Variants in CPVL observed in about 807,000 individuals in gnomAD.
CPVL encodes the protein carboxypeptidase vitellogenic like.
A neutral mutation model predicts 63.7 loss-of-function variants in CPVL; 51 were observed. The ratio of observed to expected loss-of-function variants is 0.80; its 90% confidence interval spans 0.64 to 1.01. CPVL has a LOEUF of 1.01. CPVL is among the 50% of genes least tolerant of loss of function. CPVL has a pLI of 0.00. For synonymous variants in CPVL, 195 were observed against 206.0 expected, an observed-to-expected ratio of 0.95 and a Z score of 0.46; for missense variants, 530 against 573.1, an observed-to-expected ratio of 0.92 and a Z score of 0.77.
chr7:29,189,241 C>T (rs908587727), intron 1 of CPVL, among the ~76,000 whole-genome samples: 1 of 152,144 alleles, frequency 6.6e-6, no homozygotes, highest in South Asian at 2.1e-4. Context: ...TGTGAGCCAC[C>T]GCGCCCAGCC....
chr7:29,099,795 C>T (rs1786893106), intron 3 of CPVL, among the ~76,000 whole-genome samples: 1 of 152,134 alleles, frequency 6.6e-6, no homozygotes, highest in Non-Finnish European at 1.5e-5. Context: ...GCAGAGTGAG[C>T]CGTGGAATTG....
intron 1 of CPVL, among the ~76,000 whole-genome samples, chr7:29,139,776 C>T (rs373984830): frequency 1.1e-4 from 17 of 152,242 alleles, no homozygotes; most frequent in African/African-American, 3.9e-4. Context: ...ACGGCACAGG[C>T]GGTTCATTCT....
chr7:29,004,901 C>CTTTTTT (rs1236433234), intron 12 of CPVL, among the ~76,000 whole-genome samples: 4 of 140,184 alleles, frequency 2.9e-5, no homozygotes, highest in Non-Finnish European at 3.1e-5. Context: ...CTTTTCTTTT[C>CTTTTTT]TTTTTTTTTT....
chr7:29,064,596 G>A (rs1037684943), intron 10 of CPVL, among the ~76,000 whole-genome samples: 1 of 152,126 alleles, frequency 6.6e-6, no homozygotes, highest in African/African-American at 2.4e-5. Context: ...ACTCCTTGTT[G>A]GTGGCTCTTT....
At chr7:29,131,951 A>G (rs970264114) in intron 1 of CPVL, among the ~76,000 whole-genome samples, 12 of 152,206 alleles carry the variant, frequency 7.9e-5, no homozygotes, top group African/African-American at 2.9e-4. Flanking sequence ...CCACTCATTC[A>G]CTGAATAAAT....
chr7:29,091,256 G>C (rs753815891), intron 6 of CPVL, among the ~76,000 whole-genome samples: 2 of 152,200 alleles, frequency 1.3e-5, no homozygotes, highest in African/African-American at 2.4e-5. Flanking sequence ...ACTGTCTTTG[G>C]GGGAGGGGAA....
At chr7:29,118,424 T>C (rs1789005870) in intron 2 of CPVL, among the ~76,000 whole-genome samples, 1 of 152,236 alleles carries the variant, frequency 6.6e-6, no homozygotes, top group South Asian at 2.1e-4. Flanking sequence ...ACACTTTGCC[T>C]CTTCACAAGC....
At chr7:29,015,665 G>A (rs1159908034) in intron 12 of CPVL, among the ~76,000 whole-genome samples, 1 of 152,140 alleles carries the variant, frequency 6.6e-6, no homozygotes, top group Non-Finnish European at 1.5e-5. Context: ...CCTGTCTCAG[G>A]TATTTCCTTA....
At chr7:29,179,562 G>A (rs1296466732) in intron 5 of CPVL, among the ~76,000 whole-genome samples, 4 of 152,174 alleles carry the variant, frequency 2.6e-5, no homozygotes, top group Non-Finnish European at 5.9e-5. Context: ...TCATAAGCAA[G>A]AACAAGGCAG....
intron 2 of CPVL, among the ~76,000 whole-genome samples, chr7:29,115,083 T>C (rs1408316840): frequency 6.6e-6 from 1 of 152,188 alleles, no homozygotes; most frequent in East Asian, 1.9e-4. Context: ...GCTCCATCTC[T>C]CTGAGCCTCT....
intron 11 of CPVL, among the ~76,000 whole-genome samples, chr7:29,044,541 G>A (rs1243280186): frequency 6.6e-6 from 1 of 152,074 alleles, no homozygotes; most frequent in Non-Finnish European, 1.5e-5. Flanking sequence ...ACACTGCTTT[G>A]GATTCCCAGT....
chr7:29,025,176 G>A (rs1397407333), intron 12 of CPVL, among the ~76,000 whole-genome samples: 2 of 152,148 alleles, frequency 1.3e-5, no homozygotes, highest in Non-Finnish European at 2.9e-5. Context: ...ACTGCGTTAG[G>A]CCATTCTGCA....
chr7:28,994,919 T>C (rs1280991034), downstream of CPVL, among the ~76,000 whole-genome samples: 3 of 152,254 alleles, frequency 2.0e-5, no homozygotes, highest in African/African-American at 7.2e-5. Context: ...CGAAAAGATG[T>C]GCCAGGATGT....
intron 5 of CPVL, among the ~76,000 whole-genome samples, chr7:29,175,013 G>A (rs183886135): frequency 6.6e-6 from 1 of 151,914 alleles, no homozygotes; most frequent in African/African-American, 2.4e-5. Context: ...ATATGGTTTG[G>A]CTGTGTCCAC....
intron 1 of CPVL, among the ~76,000 whole-genome samples, chr7:29,138,247 T>C (rs551034282): frequency 2.0e-4 from 30 of 152,276 alleles, no homozygotes; most frequent in African/African-American, 6.7e-4. Context: ...CAGACCAGCC[T>C]GGCCAACATG....
chr7:29,188,347 A>G (rs2128751221), intron 1 of CPVL, among the ~76,000 whole-genome samples: 1 of 152,322 alleles, frequency 6.6e-6, no homozygotes, highest in African/African-American at 2.4e-5. Flanking sequence ...CTAGGAGTGA[A>G]GCCCAGGTCT....
At chr7:29,119,485 C>CAAAAA (rs372819031) in intron 2 of CPVL, among the ~76,000 whole-genome samples, 2 of 101,392 alleles carry the variant, frequency 2.0e-5, no homozygotes, top group African/African-American at 4.0e-5. Context: ...GATTCTGTCT[C>CAAAAA]AAAAAAAAAA....
intron 5 of CPVL, among the ~76,000 whole-genome samples, chr7:29,173,522 G>T (rs1405175580): frequency 1.3e-5 from 2 of 152,052 alleles, no homozygotes; most frequent in African/African-American, 4.8e-5. Flanking sequence ...AAACTCATCA[G>T]AGACTTGAGG....
intron 1 of CPVL, among the ~76,000 whole-genome samples, chr7:29,141,311 G>C (rs1791850747): frequency 2.0e-5 from 3 of 152,198 alleles, no homozygotes; most frequent in African/African-American, 7.2e-5. Context: ...CAACAATTTG[G>C]GAGGCTGAGG....
Sources: allele counts gnomAD v4.1 joint callset (sites outside exome capture counted in the v4.1 genomes callset), GRCh38; gene constraint gnomAD v4.1.1; transcripts MANE v1.5; gene names NCBI Gene and HGNC (gene_info 2026-07-23, HGNC 2026-07-21).